The following WDR59 variants were observed in gnomAD, a reference collection of about 807,000 sequenced individuals.
The protein encoded by WDR59 is WD repeat domain 59.
WDR59 carries 100 observed loss-of-function variants against 131.2 expected under a neutral mutation model. The ratio of observed to expected loss-of-function variants is 0.76; its 90% confidence interval spans 0.65 to 0.90. The LOEUF (loss-of-function observed/expected upper bound fraction) is 0.90, where lower values mean the gene tolerates loss of function less well. Ranked by LOEUF, WDR59 falls within the 40% of genes least tolerant of loss-of-function variation. The pLI is 0.00. For synonymous variants in WDR59, 601 were observed against 466.2 expected (o/e 1.29, Z -3.72); for missense variants, 1,203 against 1,262.2 (o/e 0.95, Z 0.71).
At chr16:74,976,551 C>T (rs1356989477) in intron 1 of WDR59, among the ~76,000 whole-genome samples, 2 of 151,688 alleles carry the variant, frequency 1.3e-5, no homozygotes, top group Non-Finnish European at 2.9e-5. Context: ...GAGCGATTCT[C>T]CTGCCTCAGC....
chr16:74,906,971 G>T (rs1965850126), intron 17 of WDR59, among the ~76,000 whole-genome samples: 1 of 152,044 alleles, frequency 6.6e-6, no homozygotes, highest in Non-Finnish European at 1.5e-5. Context: ...ACTGTCAGTG[G>T]GAAAACATTC....
intron 8 of WDR59, among the ~76,000 whole-genome samples, chr16:74,930,968 A>G (rs2031337568): frequency 6.6e-6 from 1 of 151,536 alleles, no homozygotes. Context: ...GCAAGACTCC[A>G]TCTCCAAAAA....
At chr16:74,899,725 C>A in intron 18 of WDR59, 1 of 1,289,120 alleles carries the variant, frequency 7.8e-7, no homozygotes, top group South Asian at 1.2e-5. Flanking sequence ...CTTGTATGGA[C>A]CAACGCCGCC....
intron 17 of WDR59, among the ~76,000 whole-genome samples, chr16:74,906,458 C>T (rs1334694814): frequency 6.6e-6 from 1 of 152,032 alleles, no homozygotes; most frequent in Non-Finnish European, 1.5e-5. Context: ...AATGGCACAA[C>T]CACTGTGCAC....
At chr16:74,911,903 C>T (rs920275098) in intron 14 of WDR59, 1 of 521,238 alleles carries the variant, frequency 1.9e-6, no homozygotes. Flanking sequence ...CACATATTTA[C>T]AGGCAATATT....
At chr16:74,886,526 G>A (rs1317433843) in intron 23 of WDR59, 130 bp from the exon 24 acceptor site, 2 of 1,256,252 alleles carry the variant, frequency 1.6e-6, no homozygotes, top group Non-Finnish European at 2.1e-6. Context: ...TGAATATTCT[G>A]AGAAATATAA....
In WDR59 at chr16:74,903,927, G is replaced by A. The variant is rs569384174; in HGVS notation, c.1866+20C>T. Reference sequence around the variant, plus strand: ...CCAGGAGAAGGGGTAAGAATCAAAGGCTACGGCTCTGGCACTTACCCGCTC... The same window carrying A: ...CCAGGAGAAGGGGTAAGAATCAAAGACTACGGCTCTGGCACTTACCCGCTC... On this transcript the variant is annotated intron_variant, in intron 18 of 25. Transcript: ENST00000262144. The A allele has an allele frequency of 5.6e-6, 9 of 1,598,976 alleles. No homozygotes were observed. The African/African-American group carries it at 9.4e-5, about 17-fold the overall frequency.
chr16:74,885,324 G>A (rs1314210609), intron 25 of WDR59, among the ~76,000 whole-genome samples: 1 of 151,548 alleles, frequency 6.6e-6, no homozygotes, highest in African/African-American at 2.4e-5. Flanking sequence ...GGTGGCAGGC[G>A]CCTGTAGTCT....
Position 74,943,738 on chromosome 16 carries a change from A to G in WDR59, c.446-912T>C, listed in dbSNP as rs538129283. Among the ~76,000 whole-genome samples the G allele has an allele frequency of 9.2e-5, 14 of 152,304 alleles. No homozygotes were observed. The East Asian group carries it at 1.7e-3, about 19-fold the overall frequency. ...CTGGTGTTTATTACTGAGGAAGCCC[A>G]TAGTAGATCCACAGCTTTGGGGAGC... On this transcript the variant is annotated intron_variant, in intron 6 of 25. Coordinates refer to ENST00000262144, the MANE Select transcript of WDR59 (RefSeq NM_030581.4).
intron 8 of WDR59, 103 bp from the exon 9 acceptor site, chr16:74,924,106 T>C (rs559772204): frequency 1.8e-6 from 2 of 1,124,408 alleles, no homozygotes; most frequent in Admixed American, 2.1e-5. Context: ...CCTCTAAAGA[T>C]ACACTTCAAC....
intron 18 of WDR59, 70 bp from the exon 19 acceptor site, chr16:74,893,882 T>A (rs975948776): frequency 1.3e-6 from 2 of 1,567,352 alleles, no homozygotes; most frequent in African/African-American, 1.4e-5. Flanking sequence ...GCAGAGCTCA[T>A]CATATTGGGG....
chr16:74,931,549 C>G (rs1234977696), intron 8 of WDR59, among the ~76,000 whole-genome samples: 1 of 152,048 alleles, frequency 6.6e-6, no homozygotes, highest in East Asian at 1.9e-4. Context: ...GTTGCCCAGG[C>G]TGGTCTCAAA....
intron 5 of WDR59, 62 bp downstream of exon 5, chr16:74,949,656 C>A (rs1247676337): frequency 4.1e-5 from 61 of 1,481,118 alleles, no homozygotes; most frequent in Non-Finnish European, 5.3e-5. Flanking sequence ...GACACTTGAT[C>A]TCTAAAACAA....
chr16:74,910,253 C>A (rs1192372623), intron 14 of WDR59, among the ~76,000 whole-genome samples: 1 of 152,192 alleles, frequency 6.6e-6, no homozygotes, highest in Non-Finnish European at 1.5e-5. Flanking sequence ...CAGACATGAG[C>A]CACTGCGCCC....
chr16:74,919,488 A>G (rs1364921623), intron 10 of WDR59, among the ~76,000 whole-genome samples: 3 of 142,906 alleles, frequency 2.1e-5, no homozygotes, highest in Admixed American at 7.1e-5. Context: ...ACGTGCCACC[A>G]CACCTGGCTA....
rs377616317 is a variant in WDR59, at chr16:74,914,963, C to T, written c.1224+907G>A. ...ATATTTGGGTAAAGGAAAAACTAAT[C>T]AAGCTTTAAAACTCCTTTCTGGAGA... On this transcript the variant is annotated intron_variant, in intron 13 of 25. Transcript: ENST00000262144. Among the ~76,000 whole-genome samples the T allele has an allele frequency of 2.6e-5, 4 of 152,188 alleles. No individual in the cohort carries two copies. The South Asian group carries it at 8.3e-4, about 32-fold the overall frequency.
rs201234819 is a variant in WDR59 at position 74,904,044 on chromosome 16, C to T, written c.1769G>A (p.Arg590His). The T allele has an allele frequency of 3.0e-4, 487 of 1,613,092 alleles. No individual in the cohort carries two copies. Among genetic ancestry groups the T allele is most frequent in the Non-Finnish European group, 4.0e-4 (473 of 1,179,730 alleles). The change falls in exon 18 of 26, where the codon CGC becomes CAC. Residue 590 changes from arginine to histidine, a missense_variant. Physicochemically the swap from Arg to His is conservative, Grantham distance 29. Coordinates refer to ENST00000262144, the MANE Select transcript of WDR59 (RefSeq NM_030581.4). ...HTGLIAPMKI[R>H]TEAPGNLRLY... ...ACGAAGGTTCCCAGGGGCCTCTGTG[C>T]GGATCTTCATGGGCGCGATCAAGCC... is the stretch of plus-strand genomic sequence containing the variant.
chr16:74,885,555 T>G lies in WDR59; in HGVS notation c.2689+98A>C. On this transcript the variant is annotated intron_variant, in intron 25 of 25. Coordinates refer to ENST00000262144, the MANE Select transcript of WDR59 (RefSeq NM_030581.4). The stretch of plus-strand genomic sequence containing the variant: ...TGCCTCAGAAATTTCTGCTTAGAAA[T>G]GAGAAGCTGAAACTTCATTCCAAGT... 3.6e-6 allele frequency: 5 copies of G among 1,403,526 alleles called. No homozygotes were observed. In the South Asian group the frequency reaches 5.0e-5, roughly 14 times the overall value. 86.9% of individuals were successfully genotyped at this position (1,403,526 alleles called of 1,614,324 possible). A position where few individuals can be genotyped will look rare whatever the true frequency, so the allele number is the denominator to read the frequency against.
intron 18 of WDR59, among the ~76,000 whole-genome samples, chr16:74,900,331 G>A (rs1201961219): frequency 2.6e-5 from 4 of 152,068 alleles, no homozygotes; most frequent in Non-Finnish European, 5.9e-5. Context: ...TGGAGAAACG[G>A]GGGGAAGGAA....
Sources: gnomAD v4.1 joint callset for allele counts (sites outside exome capture counted in the v4.1 genomes callset) on GRCh38, gnomAD v4.1.1 for gene constraint, MANE v1.5 for transcripts, NCBI Gene and HGNC (gene_info 2026-07-23, HGNC 2026-07-21) for gene names.